CXCL17: variants seen among roughly 807,000 people sequenced by gnomAD.
The protein encoded by CXCL17 is C-X-C motif chemokine 17.
A neutral mutation model predicts 15.5 loss-of-function variants in CXCL17; 9 were observed. That is an observed-to-expected ratio of 0.58 (90% CI 0.35 to 1.01). The LOEUF is 1.01. Ranked by LOEUF, CXCL17 falls within the 50% of genes least tolerant of loss-of-function variation. The pLI, the probability that CXCL17 is intolerant of heterozygous loss-of-function variation, is 0.02. For missense variants in CXCL17, 133 were observed against 138.2 expected, an observed-to-expected ratio of 0.96 and a Z score of 0.19; for synonymous variants, 52 against 52.3, an observed-to-expected ratio of 0.99 and a Z score of 0.02.
rs1464938555 is a variant in CXCL17 at position 42,433,227 on chromosome 19, C to T, written c.161-150G>A. ...TCAACAGAGAACAGTGTCCATCCAGCTATTTGAATGCCAGTATTTCTGAGT... is the reference window on the plus strand; with the variant it reads ...TCAACAGAGAACAGTGTCCATCCAGTTATTTGAATGCCAGTATTTCTGAGT... On this transcript the variant is annotated intron_variant, in intron 2 of 3. Transcript: ENST00000601181. 3 of 602,442 alleles carry T rather than the reference C, an allele frequency of 5.0e-6. No individual in the cohort carries two copies. In the East Asian group the frequency reaches 8.6e-5, roughly 17 times the overall value. The allele number at this position is 602,442 out of a possible 1,614,324, so 37.3% of individuals were successfully genotyped here. A position where few individuals can be genotyped will look rare whatever the true frequency, so the allele number is the denominator to read the frequency against.
At chr19:42,438,406 A>AC (rs1491327567) in intron 1 of CXCL17, among the ~76,000 whole-genome samples, 11 of 107,094 alleles carry the variant, frequency 1.0e-4, no homozygotes, top group Middle Eastern at 5.1e-3. Context: ...ATATATATAT[A>AC]AAATACACAC....
At position 42,438,632 on chromosome 19, in the gene CXCL17, A is replaced by G. The variant is rs141144891; in HGVS notation, c.79+4122T>C. 1.3e-4 allele frequency among the ~76,000 whole-genome samples: 20 copies of G among 151,936 alleles called. No homozygotes were observed. In the East Asian group the frequency reaches 3.7e-3, roughly 28 times the overall value. The stretch of plus-strand genomic sequence containing the variant: ...GGGCCTAGAAGCACCAGCACCTACT[A>G]GCAATGGACCTATCAGTCAGTGCCC... On this transcript the variant is annotated intron_variant, in intron 1 of 3. Coordinates refer to ENST00000601181, the MANE Select transcript of CXCL17 (RefSeq NM_198477.3).
chr19:42,439,277 AAAAG>A (rs1312464246), intron 1 of CXCL17, among the ~76,000 whole-genome samples: 1 of 151,730 alleles, frequency 6.6e-6, no homozygotes, highest in African/African-American at 2.4e-5. Context: ...AAAAAAAAGA[AAAAG>A]AAAAAGGAAT....
chr19:42,442,229 CTTTTTTTTTTTT>C (rs10527944), intron 1 of CXCL17, among the ~76,000 whole-genome samples: 2 of 122,106 alleles, frequency 1.6e-5, no homozygotes, highest in South Asian at 2.7e-4. Flanking sequence ...CTTTTCTTTC[CTTTTTTTTTTTT>C]TTTTTTTTTT....
At chr19:42,432,324 T>C (rs2040791364) in intron 3 of CXCL17, among the ~76,000 whole-genome samples, 1 of 152,036 alleles carries the variant, frequency 6.6e-6, no homozygotes, top group African/African-American at 2.4e-5. Flanking sequence ...TTTGTATTTT[T>C]AGTAGAGACG....
intron 1 of CXCL17, among the ~76,000 whole-genome samples, chr19:42,438,407 A>ATATAT (rs1568622705): frequency 6.9e-5 from 7 of 101,112 alleles, no homozygotes; most frequent in African/African-American, 3.0e-4. Context: ...TATATATATA[A>ATATAT]AATACACACA....
chr19:42,438,381 A>AATAT (rs1201763586), intron 1 of CXCL17, among the ~76,000 whole-genome samples: 811 of 63,780 alleles, frequency 0.013, 13 homozygotes, highest in East Asian at 0.022. Flanking sequence ...AAAAAAAAAA[A>AATAT]ATATATATAT....
rs539223112 is a variant in CXCL17 at position 42,439,580 on chromosome 19, G to T, written c.79+3174C>A. Among the ~76,000 whole-genome samples the T allele has an allele frequency of 4.6e-5, 7 of 152,236 alleles. No individual in the cohort carries two copies. The South Asian group carries it at 1.5e-3, about 32-fold the overall frequency. On this transcript the variant is annotated intron_variant, in intron 1 of 3. Transcript: ENST00000601181. The stretch of plus-strand genomic sequence containing the variant: ...AGTAACTTTACAGTAGAGAAACCTG[G>T]CAGACACCACCTGAACCAAGTGCTT...
chr19:42,437,632 A>C (rs937311395), intron 1 of CXCL17, among the ~76,000 whole-genome samples: 2 of 152,212 alleles, frequency 1.3e-5, no homozygotes, highest in Non-Finnish European at 2.9e-5. Flanking sequence ...GCGGGTGTTG[A>C]GTACATGATG....
chr19:42,442,229 CTTTTTTTTT>C (rs10527944), intron 1 of CXCL17, among the ~76,000 whole-genome samples: 4 of 122,104 alleles, frequency 3.3e-5, no homozygotes, highest in Admixed American at 1.9e-4. Flanking sequence ...CTTTTCTTTC[CTTTTTTTTT>C]TTTTTTTTTT....
chr19:42,435,755 G>A (rs549587220), intron 1 of CXCL17, among the ~76,000 whole-genome samples: 22 of 151,630 alleles, frequency 1.5e-4, no homozygotes, highest in African/African-American at 5.3e-4. Flanking sequence ...GCTTGAACCC[G>A]GGAGGCAAAG....
chr19:42,431,801 G>A (rs896462362), intron 3 of CXCL17, among the ~76,000 whole-genome samples: 5 of 151,878 alleles, frequency 3.3e-5, no homozygotes, highest in Non-Finnish European at 7.4e-5. Context: ...TCAGCCTCCT[G>A]AGTAGCTAGG....
At chr19:42,433,334 A>G (rs1376320450) in intron 2 of CXCL17, among the ~76,000 whole-genome samples, 1 of 152,220 alleles carries the variant, frequency 6.6e-6, no homozygotes, top group Non-Finnish European at 1.5e-5. Context: ...GTGCATCAGA[A>G]TATCATTACT....
At chr19:42,434,304 G>C (rs1600160411) in intron 1 of CXCL17, among the ~76,000 whole-genome samples, 1 of 152,196 alleles carries the variant, frequency 6.6e-6, no homozygotes, top group African/African-American at 2.4e-5. Flanking sequence ...GGGGTTTGTC[G>C]AAACCTCCTG....
intron 1 of CXCL17, among the ~76,000 whole-genome samples, chr19:42,434,317 C>T (rs1199650490): frequency 6.6e-6 from 1 of 152,192 alleles, no homozygotes; most frequent in Non-Finnish European, 1.5e-5. Flanking sequence ...ACCTCCTGCC[C>T]TCTCCTCATA....
chr19:42,431,009 TTTGTATTTTAAGTAGAG>T (rs1450560604), intron 3 of CXCL17, among the ~76,000 whole-genome samples: 3 of 152,282 alleles, frequency 2.0e-5, no homozygotes, highest in African/African-American at 7.2e-5. Context: ...GGCTAATTTT[TTTGTATTTTAAGTAGAG>T]ACGGGGTTTC....
chr19:42,437,586 G>A (rs981279338), intron 1 of CXCL17, among the ~76,000 whole-genome samples: 1 of 152,158 alleles, frequency 6.6e-6, no homozygotes, highest in Non-Finnish European at 1.5e-5. Flanking sequence ...AGAGTTGTTG[G>A]GAATAAGTGA....
chr19:42,431,755 G>A (rs191996162), intron 3 of CXCL17, among the ~76,000 whole-genome samples: 4 of 151,748 alleles, frequency 2.6e-5, no homozygotes, highest in Non-Finnish European at 5.9e-5. Context: ...TGCCCAGGCT[G>A]GTCTTGAGCT....
intron 3 of CXCL17, among the ~76,000 whole-genome samples, chr19:42,432,254 C>A (rs898014902): frequency 6.7e-6 from 1 of 149,298 alleles, no homozygotes; most frequent in Non-Finnish European, 1.5e-5. Context: ...AAGCAATTCG[C>A]GTGCCTCAAC....
Sources: gnomAD v4.1 joint callset for allele counts (sites outside exome capture counted in the v4.1 genomes callset) on GRCh38, gnomAD v4.1.1 for gene constraint, MANE v1.5 for transcripts, NCBI Gene and HGNC (gene_info 2026-07-23, HGNC 2026-07-21) for gene names.